The following TMEM161B variants were observed in gnomAD, a reference collection of about 807,000 sequenced individuals.
TMEM161B encodes the protein transmembrane protein 161B.
TMEM161B carries 34 observed loss-of-function variants against 61.8 expected under a neutral mutation model. The observed-to-expected ratio is 0.55, with a 90% CI of 0.42 to 0.73. TMEM161B has a LOEUF of 0.73. Among genes scored for constraint, TMEM161B ranks in the 30% least tolerant of loss-of-function variants. The pLI is 0.00. For synonymous variants in TMEM161B, 167 were observed against 192.8 expected, an observed-to-expected ratio of 0.87 and a Z score of 1.11; for missense variants, 456 against 558.5, an observed-to-expected ratio of 0.82 and a Z score of 1.85.
downstream of TMEM161B, among the ~76,000 whole-genome samples, chr5:88,188,456 A>G (rs990046073): frequency 2.6e-5 from 4 of 152,160 alleles, no homozygotes; most frequent in African/African-American, 9.7e-5. Context: ...TGGTGATCAG[A>G]AAAACATTAC....
intron 1 of TMEM161B, among the ~76,000 whole-genome samples, chr5:88,262,519 AATAG>A (rs1474748058): frequency 2.0e-5 from 3 of 152,198 alleles, no homozygotes; most frequent in African/African-American, 7.2e-5. Flanking sequence ...TCAGTAGGTG[AATAG>A]ATAAACTGTA....
At position 88,195,500 on chromosome 5, in the gene TMEM161B, T is replaced by C. The variant is rs1476250171; in HGVS notation, c.*711A>G. ...GTTAGGATCACAGAATAAAACAAAA[T>C]ATGGCAGGTCCAAACCTAATGGCAA... On this transcript the variant is annotated 3_prime_UTR_variant, in exon 12 of 12. Transcript: ENST00000296595. 3.0e-6 allele frequency: 3 copies of C among 984,864 alleles called. No individual in the cohort carries two copies. In the East Asian group the frequency reaches 3.4e-4, roughly 112 times the overall value. 61.0% of individuals were successfully genotyped at this position (984,864 alleles called of 1,614,324 possible).
chr5:88,228,305 T>C, intron 3 of TMEM161B, 140 bp downstream of exon 3: 1 of 638,444 alleles, frequency 1.6e-6, no homozygotes, highest in Non-Finnish European at 2.7e-6. Flanking sequence ...TACTACAGAT[T>C]AGATTTTCAT....
Position 88,199,042 on chromosome 5 carries a change from G to A in TMEM161B, c.1023C>T (p.Ala341=). Residue 341 remains alanine, a synonymous_variant, in exon 10 of 12, where the codon GCC becomes GCT. Coordinates refer to ENST00000296595, the MANE Select transcript of TMEM161B (RefSeq NM_153354.5). ...RSHLQAYLNL[A]QKCVDQMKKE... is the part of the protein sequence containing the mutation. Reference sequence around the variant, plus strand: ...TCTTCATCTGATCCACACATTTTTGGGCTAAATTTAAATAAGCTTGCAGGT... The same window carrying A: ...TCTTCATCTGATCCACACATTTTTGAGCTAAATTTAAATAAGCTTGCAGGT... The A allele has an allele frequency of 2.5e-6, 4 of 1,612,630 alleles. No individual in the cohort carries two copies. In the South Asian group the frequency reaches 3.3e-5, roughly 13 times the overall value.
chr5:88,242,269 C>G, intron 1 of TMEM161B, among the ~76,000 whole-genome samples: 1 of 151,692 alleles, frequency 6.6e-6, no homozygotes, highest in East Asian at 1.9e-4. Context: ...GAAACATATA[C>G]CATAAAGGAA....
chr5:88,216,301 T>C (rs1747816254), intron 5 of TMEM161B, among the ~76,000 whole-genome samples: 1 of 151,970 alleles, frequency 6.6e-6, no homozygotes. Context: ...CACTGAAATC[T>C]AAAAAAAAGT....
rs756977069 is a variant in TMEM161B at position 88,202,950 on chromosome 5, G to T, written c.914+12C>A. The T allele has an allele frequency of 1.3e-6, 2 of 1,548,060 alleles. No individual in the cohort carries two copies. Among genetic ancestry groups the T allele is most frequent in the Admixed American group, 1.7e-5 (1 of 59,640 alleles). ...TGGTGATAAAAATCAGCCCTCAAAT[G>T]CCCATACTTACAAAGGGATACTTTC... is the stretch of plus-strand genomic sequence containing the variant. On this transcript the variant is annotated intron_variant, in intron 9 of 11. Coordinates refer to ENST00000296595, the MANE Select transcript of TMEM161B (RefSeq NM_153354.5).
Position 88,205,880 on chromosome 5 carries a change from A to T in TMEM161B, c.734T>A (p.Phe245Tyr), listed in dbSNP as rs779034483. The T allele has an allele frequency of 6.2e-7, 1 of 1,612,982 alleles. No homozygotes were observed. The highest frequency in any genetic ancestry group is 1.1e-5 in the South Asian group (1 of 90,848). The change falls in exon 8 of 12, where the codon TTT (phenylalanine) becomes TAT (tyrosine). Residue 245 changes from phenylalanine (F) to tyrosine (Y), a missense_variant. By Grantham distance (22) the Phe-to-Tyr change is conservative. Around this residue, in one of 3 missense-constraint regions of TMEM161B, gnomAD observed 367 missense variants for 427.3 expected, o/e 0.86. Transcript: ENST00000296595. ...CATTTGAGCCAGTCGTAATCCAGGA[A>T]ATGTCAAAAAAGCCCCAATGAATGA... ...FCSFIGAFLT[F>Y]PGLRLAQMHL... is the part of the protein sequence containing the mutation.
downstream of TMEM161B, among the ~76,000 whole-genome samples, chr5:88,193,845 T>C (rs1376679864): frequency 1.3e-5 from 2 of 152,194 alleles, no homozygotes; most frequent in Non-Finnish European, 2.9e-5. Flanking sequence ...TATCATCTTA[T>C]TATAAAACAA....
chr5:88,235,003 A>T (rs1015005021), intron 2 of TMEM161B, among the ~76,000 whole-genome samples: 4 of 152,196 alleles, frequency 2.6e-5, no homozygotes, highest in African/African-American at 9.7e-5. Flanking sequence ...TGCTCAGATT[A>T]TCTGCAGTGA....
rs1755873791 is a variant in TMEM161B at position 88,262,971 on chromosome 5, A to G, written c.3+5750T>C. Among the ~76,000 whole-genome samples the G allele has an allele frequency of 2.6e-5, 4 of 152,202 alleles. No individual in the cohort carries two copies. The South Asian group carries it at 8.3e-4, about 31-fold the overall frequency. ...TATTACATGAAATTTCATATAATCG[A>G]TTACTATCTTTAAAAAAACACATTT... is the stretch of plus-strand genomic sequence containing the variant. On this transcript the variant is annotated intron_variant, in intron 1 of 11. Coordinates refer to ENST00000296595, the MANE Select transcript of TMEM161B (RefSeq NM_153354.5).
At chr5:88,214,659 T>A (rs1398300984) in intron 5 of TMEM161B, among the ~76,000 whole-genome samples, 3 of 152,218 alleles carry the variant, frequency 2.0e-5, no homozygotes, top group Non-Finnish European at 4.4e-5. Flanking sequence ...GAAAGACATT[T>A]ACTAGAAATA....
intron 1 of TMEM161B, among the ~76,000 whole-genome samples, chr5:88,255,486 G>A (rs1471055264): frequency 6.6e-6 from 1 of 152,172 alleles, no homozygotes; most frequent in Non-Finnish European, 1.5e-5. Flanking sequence ...GATATCTAAT[G>A]TACATTTATT....
chr5:88,199,099 C>A lies in TMEM161B; in HGVS notation c.966G>T (p.Leu322=), dbSNP rs946370799. Residue 322 remains leucine, a synonymous_variant, in exon 10 of 12, where the codon CTG becomes CTT. Coordinates refer to ENST00000296595, the MANE Select transcript of TMEM161B (RefSeq NM_153354.5). ...GCATCATGGCCAACCGCAAAGCACA[C>A]AGCAGGATTATTAACCAGAGTCGCA... ...DTLRLWLIIL[L]CALRLAMMRS... 1.9e-6 allele frequency: 3 copies of A among 1,612,792 alleles called. No homozygotes were observed. The highest frequency in any genetic ancestry group is 2.5e-6 in the Non-Finnish European group (3 of 1,179,360).
Position 88,220,724 on chromosome 5 carries a change from A to AAAT in TMEM161B, c.290-6_290-5insATT. 7.4e-7 allele frequency: 1 copy of AAAT among 1,346,340 alleles called. No homozygotes were observed. Among genetic ancestry groups the AAAT allele is most frequent in the Non-Finnish European group, 9.8e-7 (1 of 1,018,164 alleles). The allele number at this position is 1,346,340 out of a possible 1,614,324, so 83.4% of individuals were successfully genotyped here. On this transcript the variant is annotated splice_region_variant and splice_polypyrimidine_tract_variant and intron_variant, in intron 4 of 11. Transcript: ENST00000296595. ...ATTCTGGAAAGTAATGCAATGCTGG[A>AAAT]AAGAAAAAAAAAAAAAAAAAAAAAA... is the stretch of plus-strand genomic sequence containing the variant.
downstream of TMEM161B, among the ~76,000 whole-genome samples, chr5:88,193,351 T>C (rs575182110): frequency 3.3e-5 from 5 of 152,292 alleles, no homozygotes; most frequent in African/African-American, 4.8e-5. Context: ...GCATATTATA[T>C]TGACTAAAGT....
chr5:88,252,308 G>T (rs1033300147), intron 1 of TMEM161B, among the ~76,000 whole-genome samples: 5 of 152,256 alleles, frequency 3.3e-5, no homozygotes, highest in African/African-American at 1.2e-4. Context: ...CTGAATTTTA[G>T]CTCCTTGAGT....
chr5:88,257,184 G>C (rs910256297), intron 1 of TMEM161B, among the ~76,000 whole-genome samples: 1 of 152,022 alleles, frequency 6.6e-6, no homozygotes, highest in African/African-American at 2.4e-5. Context: ...CACGAGAATC[G>C]CAAGACTGGG....
chr5:88,205,732 T>C (rs1745333901), intron 8 of TMEM161B, 82 bp downstream of exon 8: 1 of 1,456,758 alleles, frequency 6.9e-7, no homozygotes, highest in Non-Finnish European at 9.3e-7. Flanking sequence ...CAATAATTTA[T>C]GATTACATTA....
Sources: gnomAD v4.1 joint callset for allele counts (sites outside exome capture counted in the v4.1 genomes callset) on GRCh38, gnomAD v4.1.1 for gene constraint, gnomAD v4.1.1 regional missense constraint, MANE v1.5 for transcripts, NCBI Gene and HGNC (gene_info 2026-07-23, HGNC 2026-07-21) for gene names.